KHDRBS2: variants seen among roughly 807,000 people sequenced by gnomAD.
KHDRBS2 encodes the protein KH domain-containing, RNA-binding, signal transduction-associated protein 2.
A neutral mutation model predicts 44.3 loss-of-function variants in KHDRBS2; 26 were observed. The observed-to-expected ratio is 0.59, with a 90% CI of 0.43 to 0.81. KHDRBS2 has a LOEUF of 0.81. Ranked by LOEUF, KHDRBS2 falls within the 40% of genes least tolerant of loss-of-function variation. The pLI, the probability that KHDRBS2 is intolerant of heterozygous loss-of-function variation, is 0.00. For missense variants in KHDRBS2, 476 were observed against 433.1 expected, an observed-to-expected ratio of 1.10 and a Z score of -0.88; for synonymous variants, 194 against 151.1, an observed-to-expected ratio of 1.28 and a Z score of -2.08.
chr6:62,043,916 G>T (rs996626824), intron 3 of KHDRBS2, among the ~76,000 whole-genome samples: 2 of 151,774 alleles, frequency 1.3e-5, no homozygotes, highest in African/African-American at 4.8e-5. Context: ...CTACTAATCC[G>T]AATGACTGTT....
chr6:61,713,436 G>A (rs915228946), intron 7 of KHDRBS2, among the ~76,000 whole-genome samples: 1 of 151,692 alleles, frequency 6.6e-6, no homozygotes, highest in Non-Finnish European at 1.5e-5. Flanking sequence ...GATATAAAGT[G>A]TGTTGTTATT....
At chr6:62,076,665 A>C (rs1429197586) in intron 2 of KHDRBS2, among the ~76,000 whole-genome samples, 1 of 152,076 alleles carries the variant, frequency 6.6e-6, no homozygotes, top group Admixed American at 6.6e-5. Flanking sequence ...GTGTTTGCCT[A>C]GGAGGCAATT....
intron 4 of KHDRBS2, among the ~76,000 whole-genome samples, chr6:61,959,457 T>C (rs1245651964): frequency 6.6e-6 from 1 of 152,174 alleles, no homozygotes; most frequent in South Asian, 2.1e-4. Flanking sequence ...TAGTTTGTGG[T>C]AACCATCTGC....
At chr6:61,665,470 T>G in the KHDRBS2 span, among the ~76,000 whole-genome samples, 7 of 151,414 alleles carry the variant, frequency 4.6e-5, no homozygotes, top group Admixed American at 4.6e-4. Context: ...CCTATTTGAA[T>G]AGATGATCAG....
At chr6:62,132,144 T>C (rs777763286) in intron 2 of KHDRBS2, among the ~76,000 whole-genome samples, 24 of 152,198 alleles carry the variant, frequency 1.6e-4, no homozygotes, top group Non-Finnish European at 2.4e-4. Context: ...TAAAAGTTCA[T>C]CTCCATCCTC....
At chr6:62,141,564 G>T (rs1438356521) in intron 2 of KHDRBS2, among the ~76,000 whole-genome samples, 1 of 152,096 alleles carries the variant, frequency 6.6e-6, no homozygotes, top group Non-Finnish European at 1.5e-5. Context: ...TACATTGAAG[G>T]AAATCTTTTC....
At chr6:61,735,520 A>G (rs1014962147) in intron 6 of KHDRBS2, among the ~76,000 whole-genome samples, 14 of 152,248 alleles carry the variant, frequency 9.2e-5, no homozygotes, top group African/African-American at 2.9e-4. Flanking sequence ...CCCAATAAAG[A>G]ATTTTGAATT....
chr6:61,895,186 CGAA>C (rs1331575698), intron 5 of KHDRBS2, among the ~76,000 whole-genome samples: 1 of 150,894 alleles, frequency 6.6e-6, no homozygotes, highest in Non-Finnish European at 1.5e-5. Flanking sequence ...TCCAAATTCT[CGAA>C]GAAGACACAA....
chr6:61,958,767 T>C (rs778519852), intron 4 of KHDRBS2, among the ~76,000 whole-genome samples: 7 of 152,186 alleles, frequency 4.6e-5, no homozygotes, highest in Non-Finnish European at 7.3e-5. Context: ...CCCTCCTGTC[T>C]TCTGTCTTTA....
At chr6:61,973,246 T>C (rs538080934) in intron 4 of KHDRBS2, among the ~76,000 whole-genome samples, 1 of 152,328 alleles carries the variant, frequency 6.6e-6, no homozygotes, top group South Asian at 2.1e-4. Context: ...TATAACTTTT[T>C]TTTAGTGTAT....
chr6:61,957,588 C>T (rs372634043), intron 4 of KHDRBS2, among the ~76,000 whole-genome samples: 11 of 152,226 alleles, frequency 7.2e-5, no homozygotes, highest in Middle Eastern at 3.4e-3. Context: ...CTCATTAGGA[C>T]GAGGAAATTC....
At chr6:61,976,310 C>T (rs760834288) in intron 4 of KHDRBS2, among the ~76,000 whole-genome samples, 106 of 152,114 alleles carry the variant, frequency 7.0e-4, no homozygotes, top group Admixed American at 1.2e-3. Flanking sequence ...TACTGCCAGC[C>T]AGCCCTATCC....
intron 1 of KHDRBS2, among the ~76,000 whole-genome samples, chr6:62,271,230 C>T (rs1166009387): frequency 3.9e-5 from 6 of 151,930 alleles, no homozygotes; most frequent in Non-Finnish European, 7.4e-5. Context: ...CAACAATAAA[C>T]CACATATAAC....
chr6:61,757,948 T>C (rs1378770772), intron 6 of KHDRBS2, among the ~76,000 whole-genome samples: 2 of 152,206 alleles, frequency 1.3e-5, no homozygotes, highest in East Asian at 3.9e-4. Flanking sequence ...GGCAGTCATT[T>C]TCCCCCGAAC....
chr6:61,972,655 A>G (rs1771672896), intron 4 of KHDRBS2, among the ~76,000 whole-genome samples: 1 of 152,092 alleles, frequency 6.6e-6, no homozygotes, highest in African/African-American at 2.4e-5. Flanking sequence ...TCTGCATTGA[A>G]CTTTGTTTTT....
At chr6:61,745,816 G>A (rs1252857365) in intron 6 of KHDRBS2, among the ~76,000 whole-genome samples, 2 of 151,816 alleles carry the variant, frequency 1.3e-5, no homozygotes, top group African/African-American at 4.8e-5. Flanking sequence ...GTGCCTTGAC[G>A]TTGCTGCTGT....
chr6:61,638,438 A>G, the KHDRBS2 span, among the ~76,000 whole-genome samples: 29,199 of 152,104 alleles, frequency 0.19, 3,312 homozygotes, highest in South Asian at 0.33. Context: ...TGGTGCTGGG[A>G]AAACTGGCTA....
the KHDRBS2 span, among the ~76,000 whole-genome samples, chr6:61,667,528 G>GA: frequency 4.6e-5 from 7 of 151,102 alleles, no homozygotes; most frequent in Non-Finnish European, 8.9e-5. Context: ...TACCAGTTAA[G>GA]AAAAAAACCA....
chr6:61,878,471 G>T (rs1377641919), intron 6 of KHDRBS2, among the ~76,000 whole-genome samples: 2 of 152,066 alleles, frequency 1.3e-5, no homozygotes, highest in East Asian at 3.9e-4. Flanking sequence ...ATTATCTGTA[G>T]CTGACTGTCT....
Sources: allele counts gnomAD v4.1 joint callset (sites outside exome capture counted in the v4.1 genomes callset), GRCh38; gene constraint gnomAD v4.1.1; transcripts MANE v1.5; gene names NCBI Gene and HGNC (gene_info 2026-07-23, HGNC 2026-07-21).